Variants in METTL15 observed in about 807,000 individuals in gnomAD.
The protein encoded by METTL15 is methyltransferase 15, mitochondrial 12S rRNA N4-cytidine, also known as 12S rRNA N(4)-cytidine methyltransferase METTL15.
A neutral mutation model predicts 38.3 loss-of-function variants in METTL15; 34 were observed. The ratio of observed to expected loss-of-function variants is 0.89; its 90% confidence interval spans 0.68 to 1.18. The LOEUF (loss-of-function observed/expected upper bound fraction) is 1.18. Among genes scored for constraint, METTL15 ranks in the 50% most tolerant of loss-of-function variants. METTL15 has a pLI of 0.00. For missense variants in METTL15, 438 were observed against 498.4 expected, an observed-to-expected ratio of 0.88 and a Z score of 1.15; for synonymous variants, 162 against 170.9, an observed-to-expected ratio of 0.95 and a Z score of 0.41.
chr11:28,236,134 G>A (rs1853955806), intron 4 of METTL15, among the ~76,000 whole-genome samples: 2 of 152,228 alleles, frequency 1.3e-5, no homozygotes, highest in South Asian at 4.1e-4. Context: ...TATTGAACCA[G>A]CCTTGCATCC....
chr11:28,195,036 C>A (rs1851860094), intron 3 of METTL15, among the ~76,000 whole-genome samples: 1 of 151,900 alleles, frequency 6.6e-6, no homozygotes, highest in South Asian at 2.1e-4. Flanking sequence ...TTTTTTTCTT[C>A]ATTTTTTTTG....
intron 4 of METTL15, among the ~76,000 whole-genome samples, chr11:28,257,468 A>G (rs1333213488): frequency 6.6e-6 from 1 of 152,194 alleles, no homozygotes; most frequent in Non-Finnish European, 1.5e-5. Context: ...ATCCCTCTGA[A>G]TAAACTTTCT....
intron 5 of METTL15, among the ~76,000 whole-genome samples, chr11:28,388,698 T>C (rs1463093969): frequency 6.6e-6 from 1 of 152,164 alleles, no homozygotes; most frequent in Non-Finnish European, 1.5e-5. Flanking sequence ...TTTTTTATTA[T>C]ACTTTAACTT....
intron 5 of METTL15, among the ~76,000 whole-genome samples, chr11:28,385,188 G>A (rs537090678): frequency 8.5e-5 from 13 of 152,128 alleles, no homozygotes; most frequent in African/African-American, 2.2e-4. Context: ...TTGCAATTGC[G>A]TTTGACATCT....
chr11:28,181,318 TA>T (rs1398126540), intron 3 of METTL15, among the ~76,000 whole-genome samples: 1 of 145,056 alleles, frequency 6.9e-6, no homozygotes, highest in East Asian at 2.0e-4. Flanking sequence ...GCAGGTTTGT[TA>T]CATAGGTATA....
At position 28,211,283 on chromosome 11, in the gene METTL15, T is replaced by C. The variant is rs1852630764; in HGVS notation, c.407+85T>C. 1.3e-5 allele frequency: 16 copies of C among 1,256,846 alleles called. No individual in the cohort carries two copies. In the South Asian group the frequency reaches 2.6e-4, roughly 20 times the overall value. 77.9% of individuals were successfully genotyped at this position (1,256,846 alleles called of 1,614,324 possible). A position where few individuals can be genotyped will look rare whatever the true frequency, so the allele number is the denominator to read the frequency against. On this transcript the variant is annotated intron_variant, in intron 4 of 6. Transcript: ENST00000407364. ...TACCACCTTGGAATTTGTTCTGCTT[T>C]GCATGGGCTATATTTTACTCCAGTA... is the stretch of plus-strand genomic sequence containing the variant.
At chr11:28,254,790 G>A (rs1854905041) in intron 4 of METTL15, among the ~76,000 whole-genome samples, 1 of 152,050 alleles carries the variant, frequency 6.6e-6, no homozygotes, top group African/African-American at 2.4e-5. Flanking sequence ...CACTGTTGAT[G>A]TATAGATTTT....
chr11:28,455,455 T>G (rs1851160122), intron 6 of METTL15, among the ~76,000 whole-genome samples: 1 of 152,120 alleles, frequency 6.6e-6, no homozygotes, highest in African/African-American at 2.4e-5. Context: ...CTCTGTGTCT[T>G]GCGTCTGTAA....
chr11:28,472,026 C>A (rs1013736540), intron 6 of METTL15, among the ~76,000 whole-genome samples: 1 of 152,094 alleles, frequency 6.6e-6, no homozygotes, highest in African/African-American at 2.4e-5. Flanking sequence ...AAATGTCCAG[C>A]TGGGATTCCT....
chr11:28,469,322 C>A (rs1851284096), intron 6 of METTL15, among the ~76,000 whole-genome samples: 1 of 152,106 alleles, frequency 6.6e-6, no homozygotes, highest in Non-Finnish European at 1.5e-5. Flanking sequence ...CAATGTAATG[C>A]ATTTATGCAT....
intron 4 of METTL15, among the ~76,000 whole-genome samples, chr11:28,285,473 C>A (rs1418366382): frequency 6.6e-6 from 1 of 151,876 alleles, no homozygotes; most frequent in Admixed American, 6.6e-5. Flanking sequence ...AGATTGGACA[C>A]CCCTGCTTTG....
At chr11:28,305,470 C>G (rs1857051702) in intron 6 of METTL15, among the ~76,000 whole-genome samples, 1 of 152,004 alleles carries the variant, frequency 6.6e-6, no homozygotes, top group Non-Finnish European at 1.5e-5. Context: ...TGGTTTTATC[C>G]CCATGTTATG....
At chr11:28,291,492 A>G (rs1421500785) in intron 5 of METTL15, among the ~76,000 whole-genome samples, 2 of 152,144 alleles carry the variant, frequency 1.3e-5, no homozygotes, top group Admixed American at 6.6e-5. Context: ...GCCCCACCAC[A>G]AACTGCTTTG....
intron 5 of METTL15, among the ~76,000 whole-genome samples, chr11:28,372,962 T>C (rs1185459204): frequency 6.6e-6 from 1 of 151,630 alleles, no homozygotes; most frequent in Non-Finnish European, 1.5e-5. Flanking sequence ...TCATTTTTTA[T>C]GGCTGCATAG....
chr11:28,372,498 G>T (rs1289970206), intron 5 of METTL15, among the ~76,000 whole-genome samples: 2 of 131,942 alleles, frequency 1.5e-5, no homozygotes, highest in African/African-American at 2.8e-5. Context: ...AAACCAGTGA[G>T]TTGCACATCA....
intron 3 of METTL15, among the ~76,000 whole-genome samples, chr11:28,178,935 A>G (rs1851179243): frequency 6.6e-6 from 1 of 151,846 alleles, no homozygotes; most frequent in African/African-American, 2.4e-5. Flanking sequence ...TTTTCAGACT[A>G]GGGTAGACTT....
At chr11:28,214,476 A>C (rs1389539299) in intron 4 of METTL15, among the ~76,000 whole-genome samples, 1 of 152,224 alleles carries the variant, frequency 6.6e-6, no homozygotes, top group Non-Finnish European at 1.5e-5. Context: ...CCGTGGCCTA[A>C]TGAAGTTTAT....
intron 4 of METTL15, among the ~76,000 whole-genome samples, chr11:28,358,348 A>G (rs1850107710): frequency 6.6e-6 from 1 of 152,186 alleles, no homozygotes; most frequent in African/African-American, 2.4e-5. Flanking sequence ...GCAAAGTAAT[A>G]AAGGGTCTTG....
At chr11:28,324,742 G>A (rs1849576445) in intron 6 of METTL15, among the ~76,000 whole-genome samples, 4 of 152,104 alleles carry the variant, frequency 2.6e-5, no homozygotes, top group African/African-American at 4.8e-5. Flanking sequence ...TGATATGACC[G>A]AATATTGTGC....
Sources: gnomAD v4.1 joint callset for allele counts (sites outside exome capture counted in the v4.1 genomes callset) on GRCh38, gnomAD v4.1.1 for gene constraint, MANE v1.5 for transcripts, NCBI Gene and HGNC (gene_info 2026-07-23, HGNC 2026-07-21) for gene names.